Variants in PCDH19 observed in about 807,000 individuals in gnomAD.
PCDH19 encodes protocadherin-19.
In PCDH19, 6 loss-of-function variants were observed where a neutral mutation model predicts 46.2. That is an observed-to-expected ratio of 0.13 (90% CI 0.07 to 0.26). The LOEUF is 0.26. PCDH19 is among the 10% of genes least tolerant of loss of function. The probability of loss-of-function intolerance (pLI) is 1.00; values close to 1 mark genes in which losing one functional copy is unlikely to be tolerated. For missense variants in PCDH19, 740 were observed against 972.3 expected (o/e 0.76, Z 3.18); for synonymous variants, 481 against 415.7 (o/e 1.16, Z -1.91).
intron 3 of PCDH19, among the ~76,000 whole-genome samples, chrX:100,362,505 T>TA (rs1485084456): frequency 9.0e-6 from 1 of 110,840 alleles, no homozygotes. Context: ...GGTCAAAAGT[T>TA]ACTCTGGGCC....
intron 4 of PCDH19, among the ~76,000 whole-genome samples, chrX:100,345,209 T>C (rs979110227): frequency 1.8e-5 from 2 of 111,817 alleles, no homozygotes; most frequent in African/African-American, 6.5e-5. Flanking sequence ...ACCATCATTA[T>C]TCTGTGTAGT....
chrX:100,395,992 C>G, intron 3 of PCDH19, among the ~76,000 whole-genome samples: 1 of 112,157 alleles, frequency 8.9e-6, no homozygotes, highest in South Asian at 3.7e-4. Context: ...ATCAAGAAAT[C>G]AAGCCTCTTC....
chrX:100,395,980 G>A (rs761250753), intron 3 of PCDH19, among the ~76,000 whole-genome samples: 2 of 112,311 alleles, frequency 1.8e-5, no homozygotes, highest in African/African-American at 6.5e-5. Context: ...AGCCAGTCAC[G>A]CATCAAGAAA....
chrX:100,311,272 T>C (rs181980334), intron 5 of PCDH19, among the ~76,000 whole-genome samples: 49 of 111,809 alleles, frequency 4.4e-4, no homozygotes, highest in Non-Finnish European at 8.5e-4. Context: ...ACTTTCATGA[T>C]GGTCATGAGC....
At chrX:100,297,866 G>T (rs1239259424) in intron 5 of PCDH19, among the ~76,000 whole-genome samples, 1 of 110,946 alleles carries the variant, frequency 9.0e-6, no homozygotes, top group Admixed American at 9.6e-5. Context: ...CTCAATGTTT[G>T]TTTTATAGCC....
chrX:100,333,236 A>AGAAG (rs1925974172), intron 5 of PCDH19, among the ~76,000 whole-genome samples: 1 of 106,790 alleles, frequency 9.4e-6, no homozygotes, highest in African/African-American at 3.4e-5. Flanking sequence ...AAAGAAAGAA[A>AGAAG]GAAAGAAAGA....
chrX:100,403,388 C>A (rs1359356074), intron 2 of PCDH19, 136 bp downstream of exon 2: 15 of 556,945 alleles, frequency 2.7e-5, no homozygotes, highest in Non-Finnish European at 4.1e-5. Flanking sequence ...GGAGATCAGA[C>A]CCCATTCTTT....
At chrX:100,332,543 A>G (rs916483841) in intron 5 of PCDH19, among the ~76,000 whole-genome samples, 2 of 111,035 alleles carry the variant, frequency 1.8e-5, no homozygotes, top group Admixed American at 1.9e-4. Context: ...CTTGGTATCA[A>G]TCCCTTAAAC....
chrX:100,320,771 TC>T (rs1368380611), intron 5 of PCDH19, among the ~76,000 whole-genome samples: 1 of 110,200 alleles, frequency 9.1e-6, no homozygotes, highest in Non-Finnish European at 1.9e-5. Context: ...AAGAAAAAGT[TC>T]TTTTTTTTTT....
At chrX:100,341,764 A>G (rs1432236449) in intron 5 of PCDH19, 139 bp downstream of exon 5, 1 of 557,526 alleles carries the variant, frequency 1.8e-6, no homozygotes, top group Admixed American at 2.7e-5. Flanking sequence ...ACATCTCAAA[A>G]ACCTGTAGAT....
At chrX:100,395,068 T>C (rs1418653049) in intron 3 of PCDH19, among the ~76,000 whole-genome samples, 3 of 109,858 alleles carry the variant, frequency 2.7e-5, no homozygotes, top group African/African-American at 1.0e-4. Context: ...TTTGTATTTT[T>C]AGTAGAGACG....
intron 5 of PCDH19, among the ~76,000 whole-genome samples, chrX:100,303,179 A>C (rs1433705408): frequency 1.8e-5 from 2 of 110,961 alleles, no homozygotes; most frequent in Middle Eastern, 4.6e-3. Context: ...TTCTATACTA[A>C]CAATAGTTAA....
In PCDH19 at chrX:100,408,044, G is replaced by C. The variant is rs1021487859; in HGVS notation, c.554C>G (p.Ser185Cys). Residue 185 changes from serine to cysteine, a missense_variant, in exon 1 of 6, where the codon TCC becomes TGC. Coordinates refer to ENST00000373034, the MANE Select transcript of PCDH19 (RefSeq NM_001184880.2). ...TTCCACCACGAGTTCGGCAAAGCGG[G>C]AGCCGTCGCCGCGCGTCTTGATCTC... ...GLEIKTRGDG[S>C]RFAELVVEKS... 3 of 1,208,836 alleles carry C rather than the reference G, an allele frequency of 2.5e-6. No homozygotes were observed. The highest frequency in any genetic ancestry group is 3.3e-6 in the Non-Finnish European group (3 of 895,646).
chrX:100,372,490 C>T (rs1927257515), intron 3 of PCDH19, among the ~76,000 whole-genome samples: 1 of 112,356 alleles, frequency 8.9e-6, no homozygotes, highest in Non-Finnish European at 1.9e-5. Context: ...TCCAGTATGA[C>T]ATGGGAAGAA....
At chrX:100,376,235 CAAAA>C (rs1171817638) in intron 3 of PCDH19, among the ~76,000 whole-genome samples, 1 of 32,934 alleles carries the variant, frequency 3.0e-5, no homozygotes, top group Non-Finnish European at 5.6e-5. Context: ...AACTCCGTCT[CAAAA>C]AAAAAAAAAA....
chrX:100,376,630 A>G (rs927993367), intron 3 of PCDH19, among the ~76,000 whole-genome samples: 1 of 111,268 alleles, frequency 9.0e-6, no homozygotes, highest in Non-Finnish European at 1.9e-5. Context: ...CTCTGGTTGA[A>G]TTGGCAGAAA....
At chrX:100,381,845 C>T (rs1927561507) in intron 3 of PCDH19, among the ~76,000 whole-genome samples, 1 of 111,889 alleles carries the variant, frequency 8.9e-6, no homozygotes, top group Non-Finnish European at 1.9e-5. Flanking sequence ...TCCAAAATAG[C>T]TGCAGCACAG....
chrX:100,323,885 G>T (rs915113697), intron 5 of PCDH19, among the ~76,000 whole-genome samples: 2 of 111,647 alleles, frequency 1.8e-5, no homozygotes, highest in South Asian at 7.6e-4. Flanking sequence ...GGGAGGGTTG[G>T]AGAAAGAACT....
Position 100,350,150 on chromosome X carries a change from A to G in PCDH19, c.2675+496T>C, listed in dbSNP as rs771872259. Reference sequence around the variant, plus strand: ...GTTGTTGAAATAGCATCAATCTCAAAACTCATGGGAAGTTCTACATGAAAA... The same window carrying G: ...GTTGTTGAAATAGCATCAATCTCAAGACTCATGGGAAGTTCTACATGAAAA... On this transcript the variant is annotated intron_variant, in intron 4 of 5. Transcript: ENST00000373034. Among the ~76,000 whole-genome samples, 3 of 112,318 alleles carry G rather than the reference A, an allele frequency of 2.7e-5. No homozygotes were observed. The East Asian group carries it at 8.4e-4, about 31-fold the overall frequency.
Sources: allele counts gnomAD v4.1 joint callset (sites outside exome capture counted in the v4.1 genomes callset), GRCh38; gene constraint gnomAD v4.1.1; transcripts MANE v1.5; gene names NCBI Gene and HGNC (gene_info 2026-07-23, HGNC 2026-07-21).